Variants in ACCS observed in about 807,000 individuals in gnomAD.
ACCS encodes the protein 1-aminocyclopropane-1-carboxylate synthase homolog (inactive).
A neutral mutation model predicts 59.8 loss-of-function variants in ACCS; 42 were observed. The observed-to-expected ratio is 0.70, with a 90% CI of 0.55 to 0.91. The LOEUF is 0.91. Ranked by LOEUF, ACCS falls within the 40% of genes least tolerant of loss-of-function variation. ACCS has a pLI of 0.00. For missense variants in ACCS, 602 were observed against 630.4 expected, an observed-to-expected ratio of 0.95 and a Z score of 0.48; for synonymous variants, 230 against 240.3, an observed-to-expected ratio of 0.96 and a Z score of 0.40.
At chr11:44,078,965 A>C in intron 9 of ACCS, 181 bp downstream of exon 9, 2 of 584,148 alleles carry the variant, frequency 3.4e-6, no homozygotes, top group Non-Finnish European at 6.1e-6. Context: ...TTTATCTTTC[A>C]CTCTTTATAA....
chr11:44,084,087 C>A lies in ACCS; in HGVS notation c.*295C>A. ...ACTGCTTCTAACCAGAGCCTCAGCC[C>A]CCCTGAGGATGTGAAAAGAAAACAA... On this transcript the variant is annotated 3_prime_UTR_variant, in exon 15 of 15. Coordinates refer to ENST00000263776, the MANE Select transcript of ACCS (RefSeq NM_032592.4). 2.9e-6 allele frequency: 1 copy of A among 344,252 alleles called. No individual in the cohort carries two copies. Among genetic ancestry groups the A allele is most frequent in the South Asian group, 7.0e-5 (1 of 14,370 alleles). The allele number at this position is 344,252 out of a possible 1,614,324, so 21.3% of individuals were successfully genotyped here.
intron 10 of ACCS, among the ~76,000 whole-genome samples, chr11:44,079,993 A>G (rs905370604): frequency 6.6e-6 from 1 of 152,214 alleles, no homozygotes; most frequent in African/African-American, 2.4e-5. Context: ...TTACACACAG[A>G]GTGTGCCAAA....
chr11:44,083,038 G>T, intron 12 of ACCS, 131 bp from the exon 13 acceptor site: 2 of 1,217,390 alleles, frequency 1.6e-6, no homozygotes, highest in Non-Finnish European at 1.2e-6. Flanking sequence ...TCCCACCACA[G>T]CAGCCAGCTA....
At chr11:44,078,011 G>C in intron 8 of ACCS, 89 bp downstream of exon 8, 7 of 1,467,000 alleles carry the variant, frequency 4.8e-6, no homozygotes, top group Non-Finnish European at 5.5e-6. Flanking sequence ...CTCCTCCCGG[G>C]AGTAGGGTTG....
chr11:44,070,088 G>A (rs75560144), intron 2 of ACCS, among the ~76,000 whole-genome samples: 6,465 of 152,242 alleles, frequency 0.042, 468 homozygotes, highest in African/African-American at 0.15. Flanking sequence ...ATGGGCAGGC[G>A]ATGGGGTCAG....
intron 8 of ACCS, 81 bp downstream of exon 8, chr11:44,078,003 C>T (rs1185836894): frequency 1.3e-6 from 2 of 1,502,698 alleles, no homozygotes; most frequent in African/African-American, 2.8e-5. Context: ...TGACTGATCT[C>T]CTCCCGGGAG....
Position 44,083,913 on chromosome 11 carries a change from T to G in ACCS, c.*121T>G, listed in dbSNP as rs2134910950. ...CAGGAAGGTATCTAACTTGGCTTTG[T>G]GCCTGAAGAACTGTTTCTTGTCTTT... On this transcript the variant is annotated 3_prime_UTR_variant, in exon 15 of 15. Transcript: ENST00000263776. 1 of 1,494,800 alleles carries G rather than the reference T, an allele frequency of 6.7e-7. No homozygotes were observed. The highest frequency in any genetic ancestry group is 2.5e-5 in the East Asian group (1 of 40,434). The allele number at this position is 1,494,800 out of a possible 1,614,324, so 92.6% of individuals were successfully genotyped here. A position where few individuals can be genotyped will look rare whatever the true frequency, so the allele number is the denominator to read the frequency against.
At chr11:44,078,275 G>A in intron 8 of ACCS, 1 of 328,438 alleles carries the variant, frequency 3.0e-6, no homozygotes, top group East Asian at 5.8e-5. Context: ...GGGCAACCTT[G>A]CTCACTGTGG....
In ACCS at chr11:44,075,943, T is replaced by G. The variant is rs985941044; in HGVS notation, c.556+351T>G. On this transcript the variant is annotated intron_variant, in intron 6 of 14. Transcript: ENST00000263776. ...TATCAGGAGATGGGGATGGGGATGC[T>G]GTTTCCCAGAAGAGGCCCACTTCTA... The G allele has an allele frequency of 9.4e-5, 20 of 212,204 alleles. No individual in the cohort carries two copies. In the East Asian group the frequency reaches 1.1e-3, roughly 12 times the overall value. The allele number at this position is 212,204 out of a possible 1,614,324, so 13.1% of individuals were successfully genotyped here. A position where few individuals can be genotyped will look rare whatever the true frequency, so the allele number is the denominator to read the frequency against.
intron 12 of ACCS, chr11:44,082,107 A>G (rs1020504368): frequency 6.6e-6 from 1 of 152,226 alleles, no homozygotes; most frequent in Non-Finnish European, 1.5e-5. Context: ...TCACTATAGT[A>G]GCTAAAAGTT....
At position 44,078,676 on chromosome 11, in the gene ACCS, G is replaced by A; in HGVS notation, c.733-8G>A. On this transcript the variant is annotated splice_region_variant and splice_polypyrimidine_tract_variant and intron_variant, in intron 8 of 14. Coordinates refer to ENST00000263776, the MANE Select transcript of ACCS (RefSeq NM_032592.4). ...CTGAGGGTCTCCTGCCCTAACGGAT[G>A]GTTTCAGGGTGTGAAGGTCAAAGGC... 6.2e-7 allele frequency: 1 copy of A among 1,613,736 alleles called. No homozygotes were observed. The highest frequency in any genetic ancestry group is 1.3e-5 in the African/African-American group (1 of 75,010).
chr11:44,083,991 C>G lies in ACCS; in HGVS notation c.*199C>G. 2.5e-6 allele frequency: 3 copies of G among 1,215,834 alleles called. No individual in the cohort carries two copies. The highest frequency in any genetic ancestry group is 2.2e-6 in the Non-Finnish European group (2 of 904,016). 75.3% of individuals were successfully genotyped at this position (1,215,834 alleles called of 1,614,324 possible). ...CTGTGGTTCAGCCTGGGCCCTCCCT[C>G]TCTCCTATTAAACAAAACTAGGAGA... On this transcript the variant is annotated 3_prime_UTR_variant, in exon 15 of 15. Transcript: ENST00000263776.
chr11:44,083,652 C>T (rs372602983), intron 14 of ACCS, 43 bp from the exon 15 acceptor site: 114 of 1,614,076 alleles, frequency 7.1e-5, no homozygotes, highest in Middle Eastern at 4.9e-4. Flanking sequence ...TCCCCACCCA[C>T]GTGGCCATCA....
rs759207836 is a variant in ACCS, at chr11:44,079,513, AC to A, written c.834-14del. 1.9e-6 allele frequency: 3 copies of A among 1,599,260 alleles called. No individual in the cohort carries two copies. The highest frequency in any genetic ancestry group is 1.3e-5 in the African/African-American group (1 of 74,536). On this transcript the variant is annotated splice_polypyrimidine_tract_variant and intron_variant, in intron 9 of 14. Coordinates refer to ENST00000263776, the MANE Select transcript of ACCS (RefSeq NM_032592.4). ...CCTACACACTAAGTCTCTCCTCCCCACCCCTGCCTCACTCCAGGCACAGGCT... is the reference window on the plus strand; with the variant it reads ...CCTACACACTAAGTCTCTCCTCCCCACCCTGCCTCACTCCAGGCACAGGCT...
Position 44,079,542 on chromosome 11 carries a change from A to G in ACCS, c.845A>G (p.His282Arg), listed in dbSNP as rs1269874828. 1 of 1,611,044 alleles carries G rather than the reference A, an allele frequency of 6.2e-7. No individual in the cohort carries two copies. The highest frequency in any genetic ancestry group is 1.7e-5 in the Admixed American group (1 of 59,844). Residue 282 changes from histidine to arginine, a missense_variant, in exon 10 of 15, where the codon CAT (histidine) becomes CGT (arginine). His to Arg is a conservative substitution (Grantham distance 29). Coordinates refer to ENST00000263776, the MANE Select transcript of ACCS (RefSeq NM_032592.4). Reference sequence around the variant, plus strand: ...CTGCCTCACTCCAGGCACAGGCTGCATGTGATTGTGGATGAGGTCTACATG... The same window carrying G: ...CTGCCTCACTCCAGGCACAGGCTGCGTGTGATTGTGGATGAGGTCTACATG... ...YLVFAKRHRL[H>R]VIVDEVYMLS... is the part of the protein sequence containing the mutation.
At chr11:44,079,304 CT>C in intron 9 of ACCS, 1 of 519,176 alleles carries the variant, frequency 1.9e-6, no homozygotes, top group East Asian at 3.3e-5. Flanking sequence ...CCGGGAGATC[CT>C]TTTCTCCCCT....
chr11:44,076,450 T>C (rs178524), intron 6 of ACCS, among the ~76,000 whole-genome samples: 40,530 of 152,164 alleles, frequency 0.27, 6,348 homozygotes, highest in Admixed American at 0.45. Flanking sequence ...GAGGTTAACT[T>C]GTCAAAGTCA....
chr11:44,073,375 T>C, intron 3 of ACCS, 72 bp from the exon 4 acceptor site: 1 of 1,290,476 alleles, frequency 7.7e-7, no homozygotes, highest in South Asian at 1.2e-5. Context: ...GCGTTCAGCT[T>C]TACCTGCCCT....
intron 4 of ACCS, 23 bp downstream of exon 4, chr11:44,073,540 G>A: frequency 6.3e-7 from 1 of 1,589,912 alleles, no homozygotes; most frequent in Non-Finnish European, 8.6e-7. Flanking sequence ...CATAGGGTGA[G>A]TTTGTCCCCC....
Sources: allele counts gnomAD v4.1 joint callset (sites outside exome capture counted in the v4.1 genomes callset), GRCh38; gene constraint gnomAD v4.1.1; transcripts MANE v1.5; gene names NCBI Gene and HGNC (gene_info 2026-07-23, HGNC 2026-07-21).